SMAD3: variants seen among roughly 807,000 people sequenced by gnomAD.
SMAD3 encodes the protein MAD homolog 3.
In SMAD3, 12 loss-of-function variants were observed where a neutral mutation model predicts 51.8. The ratio of observed to expected loss-of-function variants is 0.23; its 90% CI spans 0.15 to 0.38. SMAD3 has a LOEUF of 0.38. Among genes scored for constraint, SMAD3 ranks in the 10% least tolerant of loss-of-function variants. The pLI is 1.00. For synonymous variants in SMAD3, 238 were observed against 227.7 expected (o/e 1.05, Z -0.41); for missense variants, 294 against 565.6 (o/e 0.52, Z 4.87).
chr15:67,113,096 T>TATATATATATATA (rs58255931), intron 1 of SMAD3, among the ~76,000 whole-genome samples: 4,708 of 86,720 alleles, frequency 0.054, 724 homozygotes, highest in South Asian at 0.088. Flanking sequence ...ATATATATAT[T>TATATATATATATA]TTTTTGAGAC....
chr15:67,179,603 A>T (rs893881275), intron 5 of SMAD3, among the ~76,000 whole-genome samples: 5 of 152,108 alleles, frequency 3.3e-5, no homozygotes, highest in Non-Finnish European at 7.4e-5. Flanking sequence ...CTTAGAAAGG[A>T]TCATGCACCT....
At position 67,190,798 on chromosome 15, in the gene SMAD3, G is replaced by T; in HGVS notation, c.*262G>T. 1 of 545,764 alleles carries T rather than the reference G, an allele frequency of 1.8e-6. No homozygotes were observed. Among genetic ancestry groups the T allele is most frequent in the Non-Finnish European group, 3.3e-6 (1 of 301,458 alleles). 33.8% of individuals were successfully genotyped at this position (545,764 alleles called of 1,614,324 possible). On this transcript the variant is annotated 3_prime_UTR_variant, in exon 9 of 9. Coordinates refer to ENST00000327367, the MANE Select transcript of SMAD3 (RefSeq NM_005902.4). ...AATGGCGTCTGCTCTGGTGGCTTAA[G>T]TGAGCAGAACAGGTAGTATTACACC...
chr15:67,170,533 A>C, intron 4 of SMAD3, 21 bp from the exon 5 acceptor site: 1 of 1,611,206 alleles, frequency 6.2e-7, no homozygotes, highest in Non-Finnish European at 8.5e-7. Context: ...GTGAAGTCTC[A>C]CAACTTGTCT....
chr15:67,181,471 T>TGGGGGG lies in SMAD3; in HGVS notation c.871+18_871+19insGGGGGG. The TGGGGGG allele has an allele frequency of 6.6e-7, 1 of 1,521,116 alleles. No individual in the cohort carries two copies. The highest frequency in any genetic ancestry group is 8.8e-7 in the Non-Finnish European group (1 of 1,132,022). The allele number at this position is 1,521,116 out of a possible 1,614,324, so 94.2% of individuals were successfully genotyped here. A position where few individuals can be genotyped will look rare whatever the true frequency, so the allele number is the denominator to read the frequency against. On this transcript the variant is annotated intron_variant, in intron 6 of 8. Transcript: ENST00000327367. ...ACACATCGGTATGGGGTGGCTCCATTCCCCGCCCCCCCACCCTGCCCCTGC... is the reference window on the plus strand; with the variant it reads ...ACACATCGGTATGGGGTGGCTCCATTGGGGGGCCCCGCCCCCCCACCCTGCCCCTGC...
intron 1 of SMAD3, among the ~76,000 whole-genome samples, chr15:67,079,093 C>T (rs887022663): frequency 6.6e-6 from 1 of 152,024 alleles, no homozygotes; most frequent in African/African-American, 2.4e-5. Flanking sequence ...ATTCTCCTGC[C>T]TCAGCCTCCC....
rs975351195 is a variant in SMAD3, at chr15:67,094,777, A to G, written c.206+28417A>G. Among the ~76,000 whole-genome samples, 3 of 151,906 alleles carry G rather than the reference A, an allele frequency of 2.0e-5. No homozygotes were observed. The East Asian group carries it at 5.9e-4, about 30-fold the overall frequency. On this transcript the variant is annotated intron_variant, in intron 1 of 8. Transcript: ENST00000327367. ...TTTAACCCTTTAATCAGACCCTTCCAGGGTGCTCCTGACTTGATGTTCCAG... is the reference window on the plus strand; with the variant it reads ...TTTAACCCTTTAATCAGACCCTTCCGGGGTGCTCCTGACTTGATGTTCCAG...
chr15:67,150,429 T>C (rs1463013778), intron 1 of SMAD3, among the ~76,000 whole-genome samples: 1 of 152,192 alleles, frequency 6.6e-6, no homozygotes, highest in East Asian at 1.9e-4. Flanking sequence ...TATCATCGCC[T>C]GGTTCCACTT....
chr15:67,102,953 T>G (rs1441126223), intron 1 of SMAD3, among the ~76,000 whole-genome samples: 1 of 152,214 alleles, frequency 6.6e-6, no homozygotes, highest in African/African-American at 2.4e-5. Flanking sequence ...CCTCTGTACC[T>G]TTCTTCTTTC....
intron 1 of SMAD3, among the ~76,000 whole-genome samples, chr15:67,071,848 T>G (rs1457369440): frequency 6.6e-6 from 1 of 152,158 alleles, no homozygotes; most frequent in Non-Finnish European, 1.5e-5. Flanking sequence ...GTGGACAACT[T>G]GCAGATGGTT....
chr15:67,150,865 T>C (rs1182023940), intron 1 of SMAD3, among the ~76,000 whole-genome samples: 3 of 115,622 alleles, frequency 2.6e-5, no homozygotes, highest in Non-Finnish European at 5.5e-5. Context: ...TTTTTTTTTT[T>C]TTTTTTTTGA....
At chr15:67,125,998 T>C (rs79388053) in intron 1 of SMAD3, 2 of 985,086 alleles carry the variant, frequency 2.0e-6, no homozygotes, top group Non-Finnish European at 2.4e-6. Flanking sequence ...AGAGTTATCT[T>C]ATTTGGCAGG....
intron 1 of SMAD3, among the ~76,000 whole-genome samples, chr15:67,094,373 G>A (rs1034453367): frequency 4.5e-4 from 68 of 152,196 alleles, no homozygotes; most frequent in African/African-American, 1.4e-3. Flanking sequence ...ATCCCACCCC[G>A]TGGCTCCTCC....
intron 1 of SMAD3, among the ~76,000 whole-genome samples, chr15:67,149,979 C>T (rs1962084555): frequency 6.6e-6 from 1 of 152,214 alleles, no homozygotes; most frequent in African/African-American, 2.4e-5. Context: ...GCTCCCCATT[C>T]ATACCCAACA....
At chr15:67,109,941 C>T (rs548537530) in intron 1 of SMAD3, among the ~76,000 whole-genome samples, 2 of 152,326 alleles carry the variant, frequency 1.3e-5, no homozygotes, top group East Asian at 1.9e-4. Flanking sequence ...CTCCCAGGCT[C>T]GTCAGCGGGG....
intron 1 of SMAD3, among the ~76,000 whole-genome samples, chr15:67,143,345 G>A (rs2140267954): frequency 6.6e-6 from 1 of 152,332 alleles, no homozygotes; most frequent in Middle Eastern, 3.4e-3. Flanking sequence ...GTGAGCAAAG[G>A]CAGACACCTT....
intron 5 of SMAD3, among the ~76,000 whole-genome samples, chr15:67,179,829 C>A (rs1963004648): frequency 6.6e-6 from 1 of 151,958 alleles, no homozygotes; most frequent in Admixed American, 6.5e-5. Context: ...GCATGGGGAG[C>A]GTCTCCTGTT....
At chr15:67,187,579 G>A in intron 8 of SMAD3, 70 bp downstream of exon 8, 2 of 1,582,638 alleles carry the variant, frequency 1.3e-6, no homozygotes, top group South Asian at 2.2e-5. Context: ...AGCAGGCAGG[G>A]CTCCTCAGAG....
At chr15:67,144,594 A>G (rs762047895) in intron 1 of SMAD3, among the ~76,000 whole-genome samples, 1 of 152,178 alleles carries the variant, frequency 6.6e-6, no homozygotes, top group Non-Finnish European at 1.5e-5. Flanking sequence ...TGGTGCTTGT[A>G]GGGCACAGAA....
chr15:67,165,215 C>G, intron 2 of SMAD3, 38 bp from the exon 3 acceptor site: 1 of 1,614,050 alleles, frequency 6.2e-7, no homozygotes, highest in Non-Finnish European at 8.5e-7. Flanking sequence ...GGTCTGGCAT[C>G]GACACTGAGC....
Sources: gnomAD v4.1 joint callset for allele counts (sites outside exome capture counted in the v4.1 genomes callset) on GRCh38, gnomAD v4.1.1 for gene constraint, MANE v1.5 for transcripts, NCBI Gene and HGNC (gene_info 2026-07-23, HGNC 2026-07-21) for gene names.